Variants in STARD9 observed in about 807,000 individuals in gnomAD.
STARD9 encodes the protein StAR related lipid transfer domain containing 9.
In STARD9, 346 loss-of-function variants were observed where a neutral mutation model predicts 399.8. The ratio of observed to expected loss-of-function variants is 0.87; its 90% confidence interval spans 0.79 to 0.95. The LOEUF (loss-of-function observed/expected upper bound fraction) is 0.95, where lower values mean the gene tolerates loss of function less well. STARD9 is among the 40% of genes least tolerant of loss of function. The pLI is 0.00. For missense variants in STARD9, 5,832 were observed against 5,667.5 expected (o/e 1.03, Z -0.93); for synonymous variants, 2,203 against 2,143.5 (o/e 1.03, Z -0.77).
intron 26 of STARD9, among the ~76,000 whole-genome samples, chr15:42,715,062 G>A (rs1200008756): frequency 7.1e-5 from 10 of 140,642 alleles, no homozygotes; most frequent in African/African-American, 1.2e-4. Flanking sequence ...GTCAACAGTT[G>A]AAGAGGATGT....
chr15:42,621,418 C>G (rs1168923993), intron 3 of STARD9, among the ~76,000 whole-genome samples: 4 of 152,054 alleles, frequency 2.6e-5, no homozygotes, highest in African/African-American at 7.2e-5. Flanking sequence ...AAATTTTAGA[C>G]AAATTTAACA....
At chr15:42,661,957 T>C (rs1336417972) in intron 10 of STARD9, among the ~76,000 whole-genome samples, 2 of 152,192 alleles carry the variant, frequency 1.3e-5, no homozygotes, top group Admixed American at 1.3e-4. Context: ...ATTGATTTTA[T>C]TTTTTCTTTA....
intron 1 of STARD9, among the ~76,000 whole-genome samples, chr15:42,578,132 A>G (rs931743613): frequency 1.4e-5 from 2 of 144,830 alleles, no homozygotes; most frequent in African/African-American, 5.1e-5. Context: ...TCTTTTGGAG[A>G]TGGAGTCTCA....
chr15:42,576,770 A>T (rs2058065348), intron 1 of STARD9, among the ~76,000 whole-genome samples: 2 of 152,236 alleles, frequency 1.3e-5, no homozygotes, highest in Non-Finnish European at 2.9e-5. Context: ...AGTGTGGATT[A>T]TGTTCGTCCT....
intron 9 of STARD9, among the ~76,000 whole-genome samples, chr15:42,658,341 CTT>C (rs1204630335): frequency 2.7e-5 from 4 of 149,746 alleles, no homozygotes; most frequent in Middle Eastern, 3.2e-3. Context: ...TACAAAATAA[CTT>C]TTGTATTTTT....
chr15:42,684,568 G>A lies in STARD9; in HGVS notation c.2990G>A (p.Gly997Glu). 2.6e-6 allele frequency: 4 copies of A among 1,537,210 alleles called. No individual in the cohort carries two copies. Among genetic ancestry groups the A allele is most frequent in the Non-Finnish European group, 3.5e-6 (4 of 1,146,900 alleles). ...GGGTGGCGAAAAGAAGGGAACCTTG[G>A]GACCCACAAGGCTGCTAAGGGAGCC... ...QAGWRKEGNL[G>E]THKAAKGASC... Residue 997 changes from glycine (G) to glutamate (E), a missense_variant, in exon 23 of 33, where the codon GGG becomes GAG. Gly to Glu is a moderately conservative substitution (Grantham distance 98). Around this residue, in one of 2 missense-constraint regions of STARD9, gnomAD observed 5,828 missense variants for 5,651.1 expected, o/e 1.03. Transcript: ENST00000290607.
At chr15:42,607,955 G>GT (rs1343864865) in intron 3 of STARD9, among the ~76,000 whole-genome samples, 1 of 152,122 alleles carries the variant, frequency 6.6e-6, no homozygotes, top group Non-Finnish European at 1.5e-5. Context: ...ATATTTCTTA[G>GT]TTGTCACTAA....
In STARD9 at chr15:42,687,012, T is replaced by C. The variant is rs1043025242; in HGVS notation, c.5434T>C (p.Ser1812Pro). The change falls in exon 23 of 33, where the codon TCT becomes CCT. Residue 1812 changes from serine (S) to proline (P), a missense_variant. Transcript: ENST00000290607. ...AAACCAGAATTCTAAGATTGCCTCA[T>C]CTCAGCAGGTCACAGCTGAGATACC... ...LQNQNSKIAS[S>P]QQVTAEIPVD... is the part of the protein sequence containing the mutation. 1.3e-6 allele frequency: 2 copies of C among 1,537,046 alleles called. No homozygotes were observed. The highest frequency in any genetic ancestry group is 8.7e-7 in the Non-Finnish European group (1 of 1,146,894).
In STARD9 at chr15:42,637,821, C is replaced by T. The variant is rs745743014; in HGVS notation, c.352-86C>T. On this transcript the variant is annotated intron_variant, in intron 4 of 32. Coordinates refer to ENST00000290607, the MANE Select transcript of STARD9 (RefSeq NM_020759.3). ...ACAAGGAGTCCATGCACTCATCCCCCATGCTGAGGATGGTTCCTGGGTATT... is the reference window on the plus strand; with the variant it reads ...ACAAGGAGTCCATGCACTCATCCCCTATGCTGAGGATGGTTCCTGGGTATT... The T allele has an allele frequency of 3.7e-4, 502 of 1,365,526 alleles. 1 individual carries two copies. The highest frequency in any genetic ancestry group is 4.7e-4 in the Non-Finnish European group (461 of 991,260). 84.6% of individuals were successfully genotyped at this position (1,365,526 alleles called of 1,614,324 possible).
At chr15:42,594,568 A>C (rs1394119903) in intron 3 of STARD9, among the ~76,000 whole-genome samples, 1 of 152,256 alleles carries the variant, frequency 6.6e-6, no homozygotes, top group Non-Finnish European at 1.5e-5. Context: ...AGAAATGTTA[A>C]GAGACCATTC....
At chr15:42,697,624 C>T (rs775426666) in intron 26 of STARD9, among the ~76,000 whole-genome samples, 5 of 152,164 alleles carry the variant, frequency 3.3e-5, no homozygotes, top group Non-Finnish European at 5.9e-5. Flanking sequence ...CACCTGACCT[C>T]ATGTGACACA....
intron 9 of STARD9, among the ~76,000 whole-genome samples, chr15:42,655,525 G>T (rs938892782): frequency 6.6e-6 from 1 of 152,144 alleles, no homozygotes; most frequent in African/African-American, 2.4e-5. Context: ...GGGATAATTG[G>T]CAAGCCACAT....
chr15:42,690,561 C>T lies in STARD9; in HGVS notation c.8983C>T (p.His2995Tyr). ...EPFKAAPHTIHPPCVVPSRAY... is the reference protein window; with the variant it reads ...EPFKAAPHTIYPPCVVPSRAY... ...TTTCAAGGCTGCCCCACATACTATC[C>T]ACCCACCCTGTGTAGTACCTTCCAG... is the stretch of plus-strand genomic sequence containing the variant. Residue 2995 changes from histidine (H) to tyrosine (Y), a missense_variant, in exon 23 of 33, where the codon CAC (histidine) becomes TAC (tyrosine). His to Tyr is a moderately conservative substitution (Grantham distance 83, BLOSUM62 2). This residue lies in a region of STARD9 where 5,828 missense variants were observed against 5,651.1 expected (regional missense o/e 1.03). Coordinates refer to ENST00000290607, the MANE Select transcript of STARD9 (RefSeq NM_020759.3). The T allele has an allele frequency of 6.5e-7, 1 of 1,537,152 alleles. No individual in the cohort carries two copies. The highest frequency in any genetic ancestry group is 8.7e-7 in the Non-Finnish European group (1 of 1,146,870).
chr15:42,660,367 C>A (rs1395328117), intron 9 of STARD9, among the ~76,000 whole-genome samples: 2 of 151,850 alleles, frequency 1.3e-5, no homozygotes, highest in African/African-American at 4.8e-5. Flanking sequence ...GAGTTCAAGA[C>A]CAGCCTGGCC....
chr15:42,685,277 G>T lies in STARD9; in HGVS notation c.3699G>T (p.Glu1233Asp), dbSNP rs2060523234. The change falls in exon 23 of 33, where the codon GAG becomes GAT. Residue 1233 changes from glutamate (E) to aspartate (D), a missense_variant. Glu to Asp is a conservative substitution (Grantham distance 45, BLOSUM62 2). Around this residue, in one of 2 missense-constraint regions of STARD9, gnomAD observed 5,828 missense variants for 5,651.1 expected, o/e 1.03. Transcript: ENST00000290607. ...FPGSADEIPT[E>D]TFWHLEDSSL... ...GTTCAGCTGACGAGATACCCACAGAGACTTTTTGGCACCTGGAGGACTCTA... is the reference window on the plus strand; with the variant it reads ...GTTCAGCTGACGAGATACCCACAGATACTTTTTGGCACCTGGAGGACTCTA... 1 of 1,537,506 alleles carries T rather than the reference G, an allele frequency of 6.5e-7. No individual in the cohort carries two copies.
chr15:42,618,419 C>T (rs934258654), intron 3 of STARD9, among the ~76,000 whole-genome samples: 57 of 152,162 alleles, frequency 3.7e-4, no homozygotes, highest in African/African-American at 1.1e-3. Context: ...AGGCATGAGC[C>T]GCCACACCCT....
chr15:42,664,489 G>A (rs571684887), intron 13 of STARD9, among the ~76,000 whole-genome samples: 1 of 152,216 alleles, frequency 6.6e-6, no homozygotes, highest in African/African-American at 2.4e-5. Flanking sequence ...TCAGCCTTCT[G>A]AGTAGCTGGA....
At chr15:42,679,336 C>T (rs1209974397) in intron 20 of STARD9, among the ~76,000 whole-genome samples, 1 of 152,246 alleles carries the variant, frequency 6.6e-6, no homozygotes, top group Admixed American at 6.5e-5. Flanking sequence ...TCCTGAGCCT[C>T]CACATAACAG....
chr15:42,659,117 AAGAAAG>A (rs1365038431), intron 9 of STARD9, among the ~76,000 whole-genome samples: 2 of 152,198 alleles, frequency 1.3e-5, no homozygotes, highest in Admixed American at 1.3e-4. Flanking sequence ...CCTCGAAAGA[AAGAAAG>A]AGAGAAAAGA....
Sources: allele counts gnomAD v4.1 joint callset (sites outside exome capture counted in the v4.1 genomes callset), GRCh38; gene constraint gnomAD v4.1.1; regional missense constraint gnomAD v4.1.1; transcripts MANE v1.5; gene names NCBI Gene and HGNC (gene_info 2026-07-23, HGNC 2026-07-21).